Variants in ABCA13 observed in about 807,000 individuals in gnomAD.
The protein encoded by ABCA13 is ATP-binding cassette sub-family A member 13.
In ABCA13, 476 loss-of-function variants were observed where a neutral mutation model predicts 478.7. That is an observed-to-expected ratio of 0.99 (90% CI 0.92 to 1.07). The LOEUF (loss-of-function observed/expected upper bound fraction) is 1.07. Ranked by LOEUF, ABCA13 falls within the 50% of genes least tolerant of loss-of-function variation. The pLI is 0.00. For missense variants in ABCA13, 6,060 were observed against 5,910.6 expected (o/e 1.03, Z -0.83); for synonymous variants, 2,252 against 2,158.9 (o/e 1.04, Z -1.20).
At chr7:48,504,111 T>C (rs894440080) in intron 48 of ABCA13, among the ~76,000 whole-genome samples, 1 of 150,802 alleles carries the variant, frequency 6.6e-6, no homozygotes, top group Admixed American at 6.6e-5. Context: ...GAGGCAGGAG[T>C]GGGGTGTCAG....
intron 59 of ABCA13, among the ~76,000 whole-genome samples, chr7:48,638,286 C>A (rs2131674929): frequency 1.3e-5 from 2 of 152,290 alleles, no homozygotes; most frequent in Middle Eastern, 6.8e-3. Context: ...TTGACCCAAC[C>A]ACTTTAATTT....
At chr7:48,439,481 A>C (rs905601198) in intron 42 of ABCA13, among the ~76,000 whole-genome samples, 9 of 152,230 alleles carry the variant, frequency 5.9e-5, no homozygotes, top group Admixed American at 2.0e-4. Flanking sequence ...CAAAATGCTA[A>C]TAACCGAAAG....
At chr7:48,201,322 A>G (rs962572846) in intron 3 of ABCA13, among the ~76,000 whole-genome samples, 3 of 152,212 alleles carry the variant, frequency 2.0e-5, no homozygotes, top group African/African-American at 7.2e-5. Context: ...CACTGCTTCA[A>G]GGGAGTGTTA....
intron 15 of ABCA13, 48 bp from the exon 16 acceptor site, chr7:48,268,932 C>G: frequency 1.4e-6 from 1 of 724,984 alleles, no homozygotes; most frequent in Admixed American, 3.3e-5. Context: ...TTAGATTTGT[C>G]TGTTATAACC....
At chr7:48,219,124 TAATACAGAG>T (rs1322382705) in intron 3 of ABCA13, among the ~76,000 whole-genome samples, 1 of 152,216 alleles carries the variant, frequency 6.6e-6, no homozygotes, top group Non-Finnish European at 1.5e-5. Flanking sequence ...AGCTTTCAGA[TAATACAGAG>T]AATGAGAACG....
intron 38 of ABCA13, among the ~76,000 whole-genome samples, chr7:48,396,271 C>G (rs1009540235): frequency 6.6e-6 from 1 of 152,256 alleles, no homozygotes; most frequent in Non-Finnish European, 1.5e-5. Context: ...TGGGCTCTCT[C>G]AGATGGCCAG....
chr7:48,396,186 G>A (rs1386030822), intron 38 of ABCA13, among the ~76,000 whole-genome samples: 2 of 152,144 alleles, frequency 1.3e-5, no homozygotes, highest in Non-Finnish European at 2.9e-5. Flanking sequence ...ATCCTTCAAG[G>A]ACCAGATCCC....
At chr7:48,620,970 T>C (rs1033388420) in intron 59 of ABCA13, among the ~76,000 whole-genome samples, 1 of 152,148 alleles carries the variant, frequency 6.6e-6, no homozygotes, top group Non-Finnish European at 1.5e-5. Context: ...TATGAAGTCA[T>C]AGTGGAAAGC....
At chr7:48,567,765 A>G (rs572149202) in intron 55 of ABCA13, among the ~76,000 whole-genome samples, 2 of 152,054 alleles carry the variant, frequency 1.3e-5, no homozygotes, top group Admixed American at 1.3e-4. Flanking sequence ...TCTGGCTTTT[A>G]TTAGCATAGG....
At chr7:48,343,657 T>C (rs1471812524) in intron 29 of ABCA13, among the ~76,000 whole-genome samples, 1 of 152,100 alleles carries the variant, frequency 6.6e-6, no homozygotes, top group Non-Finnish European at 1.5e-5. Flanking sequence ...ATAAGTTCTT[T>C]AGTGGTGCTT....
In ABCA13 at chr7:48,272,758, A is replaced by T; in HGVS notation, c.3092A>T (p.Gln1031Leu). The part of the protein sequence containing the change: ...LGGISNVSYC[Q>L]QLLSIFNFLE... ...GGAATTTCTAATGTATCTTACTGTC[A>T]GCAATTGCTTTCAATTTTTAACTTT... Residue 1031 changes from glutamine to leucine, a missense_variant, in exon 17 of 62, where the codon CAG (glutamine) becomes CTG (leucine). Gln to Leu is a moderately radical substitution (Grantham distance 113). Around this residue, in one of 3 missense-constraint regions of ABCA13, gnomAD observed 4,423 missense variants for 4,309.1 expected, o/e 1.03. Transcript: ENST00000435803. 6.2e-7 allele frequency: 1 copy of T among 1,608,100 alleles called. No homozygotes were observed. Among genetic ancestry groups the T allele is most frequent in the Non-Finnish European group, 8.5e-7 (1 of 1,176,406 alleles).
chr7:48,251,079 G>A (rs1792482812), intron 15 of ABCA13, among the ~76,000 whole-genome samples: 1 of 152,148 alleles, frequency 6.6e-6, no homozygotes, highest in African/African-American at 2.4e-5. Flanking sequence ...GGTAAGATGG[G>A]CCTTTGCATT....
At position 48,273,648 on chromosome 7, in the gene ABCA13, AG is replaced by A. The variant is rs1388949364; in HGVS notation, c.3983del (p.Arg1328LysfsTer4). The A allele has an allele frequency of 6.8e-6, 11 of 1,607,028 alleles. No individual in the cohort carries two copies. The African/African-American group carries it at 1.5e-4, about 21-fold the overall frequency. ...EKFENIITEL[R>X]EAIVFLRNVS... ...ATTTGAAAATATCATCACTGAGCTA[AG>A]AGAAGCAATAGTATTTCTTAGAAAT... On this transcript the variant is annotated frameshift_variant, in exon 17 of 62. Transcript: ENST00000435803. LOFTEE classifies it high-confidence loss of function.
chr7:48,430,544 A>G (rs755383038), intron 42 of ABCA13, among the ~76,000 whole-genome samples: 1 of 151,972 alleles, frequency 6.6e-6, no homozygotes, highest in Non-Finnish European at 1.5e-5. Flanking sequence ...GCATGGTGGC[A>G]GGTGCCTGTA....
At position 48,240,909 on chromosome 7, in the gene ABCA13, C is replaced by T. The variant is rs976364662; in HGVS notation, c.1105C>T (p.Leu369Phe). The T allele has an allele frequency of 6.2e-7, 1 of 1,602,254 alleles. No individual in the cohort carries two copies. The change falls in exon 10 of 62, where the codon CTC becomes TTC. Residue 369 changes from leucine (L) to phenylalanine (F), a missense_variant. By Grantham distance (22) the Leu-to-Phe change is conservative. Transcript: ENST00000435803. Reference protein sequence around the residue: ...WQQGSLLQKTLTGMGHSLEAL... With the variant: ...WQQGSLLQKTFTGMGHSLEAL... The stretch of plus-strand genomic sequence containing the variant: ...ACAGGGTAGCCTGCTTCAGAAGACA[C>T]TCACAGGCATGGGCCATAGTCTGGA...
At chr7:48,335,354 T>C (rs568165267) in intron 27 of ABCA13, 68 bp from the exon 28 acceptor site, 32 of 1,211,870 alleles carry the variant, frequency 2.6e-5, no homozygotes, top group Non-Finnish European at 3.6e-5. Flanking sequence ...TATACAGTCC[T>C]TGTTGGAAGA....
intron 58 of ABCA13, among the ~76,000 whole-genome samples, chr7:48,597,413 TG>T (rs1265753192): frequency 6.6e-6 from 1 of 152,232 alleles, no homozygotes; most frequent in Non-Finnish European, 1.5e-5. Context: ...ATGAATAATA[TG>T]TTATGAACAG....
intron 3 of ABCA13, 21 bp from the exon 4 acceptor site, chr7:48,219,333 C>A (rs1786992963): frequency 6.4e-7 from 1 of 1,572,962 alleles, no homozygotes; most frequent in African/African-American, 1.4e-5. Context: ...GTTTCACTTG[C>A]AGTATTTATT....
Position 48,350,756 on chromosome 7 carries a change from CAGTCTGTCGACATCCTGGAGACTA to C in ABCA13, c.10320_10343del (p.Ser3441_Lys3448del), listed in dbSNP as rs1340205742. Reference sequence around the variant, plus strand: ...GGCACTGAACCGTTTCCAGGCTCTGCAGTCTGTCGACATCCTGGAGACTAAAGCACATGAACTCTTGCAGCAGAA... The same window carrying C: ...GGCACTGAACCGTTTCCAGGCTCTGCAAGCACATGAACTCTTGCAGCAGAA... On this transcript the variant is annotated inframe_deletion, in exon 30 of 62. Coordinates refer to ENST00000435803, the MANE Select transcript of ABCA13 (RefSeq NM_152701.5). 1 of 1,613,844 alleles carries C rather than the reference CAGTCTGTCGACATCCTGGAGACTA, an allele frequency of 6.2e-7. No homozygotes were observed. The highest frequency in any genetic ancestry group is 2.2e-5 in the East Asian group (1 of 44,888).
Sources: gnomAD v4.1 joint callset for allele counts (sites outside exome capture counted in the v4.1 genomes callset) on GRCh38, gnomAD v4.1.1 for gene constraint, gnomAD v4.1.1 regional missense constraint, MANE v1.5 for transcripts, NCBI Gene and HGNC (gene_info 2026-07-23, HGNC 2026-07-21) for gene names.